The following PCBP3 variants were observed in gnomAD, a reference collection of about 807,000 sequenced individuals.
The protein encoded by PCBP3 is poly(rC)-binding protein 3.
In PCBP3, 25 loss-of-function variants were observed where a neutral mutation model predicts 52.7. That is an observed-to-expected ratio of 0.47 (90% CI 0.35 to 0.66). The LOEUF is 0.66. Among genes scored for constraint, PCBP3 ranks in the 30% least tolerant of loss-of-function variants. The pLI, the probability that PCBP3 is intolerant of heterozygous loss-of-function variation, is 0.01. For missense variants in PCBP3, 391 were observed against 490.3 expected (o/e 0.80, Z 1.91); for synonymous variants, 162 against 183.0 (o/e 0.89, Z 0.93).
chr21:45,911,298 G>T, intron 11 of PCBP3: 1 of 464,292 alleles, frequency 2.2e-6, no homozygotes, highest in South Asian at 2.0e-5. Context: ...CTCATCTTCG[G>T]ATTTGGGTAA....
chr21:45,808,452 T>C (rs2092581550), intron 4 of PCBP3, among the ~76,000 whole-genome samples: 3 of 152,196 alleles, frequency 2.0e-5, no homozygotes, highest in Admixed American at 2.0e-4. Flanking sequence ...TAATCATCAC[T>C]GGTCATTAGA....
At position 45,754,715 on chromosome 21, in the gene PCBP3, G is replaced by A. The variant is rs546517537; in HGVS notation, c.-161-702G>A. On this transcript the variant is annotated intron_variant, in intron 3 of 17. Coordinates refer to ENST00000681687, the MANE Select transcript of PCBP3 (RefSeq NM_001384156.1). ...GCTAATACTAGCTCCTGCTCCTCTGGGTTGAAATTCTGGGTAGAAGATTAT... is the reference window on the plus strand; with the variant it reads ...GCTAATACTAGCTCCTGCTCCTCTGAGTTGAAATTCTGGGTAGAAGATTAT... Among the ~76,000 whole-genome samples, 3 of 152,206 alleles carry A rather than the reference G, an allele frequency of 2.0e-5. No individual in the cohort carries two copies. The East Asian group carries it at 5.8e-4, about 29-fold the overall frequency.
At chr21:45,718,229 G>C (rs572058277) in intron 2 of PCBP3, among the ~76,000 whole-genome samples, 1 of 149,238 alleles carries the variant, frequency 6.7e-6, no homozygotes. Context: ...TGCTAGTCTA[G>C]GTGAAGATTT....
chr21:45,869,828 G>T (rs2094927387), intron 5 of PCBP3, among the ~76,000 whole-genome samples: 1 of 152,236 alleles, frequency 6.6e-6, no homozygotes, highest in South Asian at 2.1e-4. Context: ...TCACAGAGCT[G>T]CGTATGCATT....
At chr21:45,776,974 A>C (rs1274107088) in intron 4 of PCBP3, among the ~76,000 whole-genome samples, 1 of 151,992 alleles carries the variant, frequency 6.6e-6, no homozygotes, top group African/African-American at 2.4e-5. Context: ...CATTTAAGCC[A>C]TTTCTGTTCC....
chr21:45,762,491 CT>C (rs374275789), intron 4 of PCBP3: 75 of 104,694 alleles, frequency 7.2e-4, no homozygotes, highest in Middle Eastern at 7.8e-3. Flanking sequence ...CTTTTCTTCT[CT>C]TTTTTTTTTT....
At chr21:45,681,275 A>G (rs1331998809) in intron 2 of PCBP3, among the ~76,000 whole-genome samples, 1 of 152,196 alleles carries the variant, frequency 6.6e-6, no homozygotes, top group Non-Finnish European at 1.5e-5. Flanking sequence ...TAGATGTTGG[A>G]TTTTGTCAAA....
At position 45,710,509 on chromosome 21, in the gene PCBP3, T is replaced by C. The variant is rs566960898; in HGVS notation, c.-199-24883T>C. Among the ~76,000 whole-genome samples the C allele has an allele frequency of 2.9e-3, 439 of 152,340 alleles. 3 individuals are homozygous for C. The highest frequency in any genetic ancestry group is 0.01 in the Middle Eastern group (3 of 294). On this transcript the variant is annotated intron_variant, in intron 2 of 17. Transcript: ENST00000681687. ...CTCATCATTTTTTATGGCTGCATAGTATTCCATGGTGTATATGTGCCACAT... is the reference window on the plus strand; with the variant it reads ...CTCATCATTTTTTATGGCTGCATAGCATTCCATGGTGTATATGTGCCACAT...
chr21:45,815,240 ATGAGTGAGTGG>A (rs1415517431), intron 4 of PCBP3, among the ~76,000 whole-genome samples: 8 of 64,124 alleles, frequency 1.2e-4, no homozygotes, highest in Non-Finnish European at 1.8e-4. Context: ...GTGGTGAGTG[ATGAGTGAGTGG>A]TGAGTGAGTG....
At chr21:45,872,293 G>A (rs1336554454) in intron 5 of PCBP3, 2 of 152,216 alleles carry the variant, frequency 1.3e-5, no homozygotes, top group African/African-American at 4.8e-5. Context: ...CATGCTAGCG[G>A]TGCAATGCCC....
intron 9 of PCBP3, among the ~76,000 whole-genome samples, chr21:45,908,959 G>T (rs985992229): frequency 6.6e-6 from 1 of 152,050 alleles, no homozygotes; most frequent in Non-Finnish European, 1.5e-5. Flanking sequence ...CGACATCCCT[G>T]CCTTACCTGG....
At chr21:45,718,490 G>A (rs566855428) in intron 2 of PCBP3, among the ~76,000 whole-genome samples, 1 of 151,980 alleles carries the variant, frequency 6.6e-6, no homozygotes, top group African/African-American at 2.4e-5. Context: ...CTCCTGTCCT[G>A]TTCTGCCGCT....
In PCBP3 at chr21:45,741,977, C is replaced by G. The variant is rs920905369; in HGVS notation, c.-162+6548C>G. On this transcript the variant is annotated intron_variant, in intron 3 of 17. Transcript: ENST00000681687. This position sits in a 1 kb window ranked among gnomAD's most constrained non-coding sequence, Gnocchi z 4.5. Reference sequence around the variant, plus strand: ...GGCATTCAGTACACACTTTCGTGCCCTGCTTTTTAACTGAATAGTATTCTG... The same window carrying G: ...GGCATTCAGTACACACTTTCGTGCCGTGCTTTTTAACTGAATAGTATTCTG... 6.6e-6 allele frequency among the ~76,000 whole-genome samples: 1 copy of G among 152,172 alleles called. No homozygotes were observed. The highest frequency in any genetic ancestry group is 1.5e-5 in the Non-Finnish European group (1 of 68,044).
At chr21:45,708,048 TA>T (rs1041421530) in intron 2 of PCBP3, among the ~76,000 whole-genome samples, 1 of 152,180 alleles carries the variant, frequency 6.6e-6, no homozygotes, top group African/African-American at 2.4e-5. Flanking sequence ...CATCACTGAA[TA>T]AAACTATGGG....
At chr21:45,649,287 A>G (rs1031290328) in intron 1 of PCBP3, among the ~76,000 whole-genome samples, 2 of 152,212 alleles carry the variant, frequency 1.3e-5, no homozygotes, top group African/African-American at 2.4e-5. Context: ...ACCTGCCCCC[A>G]TGATTCAATT....
In PCBP3 at chr21:45,827,180, G is replaced by A. The variant is rs1436299806; in HGVS notation, c.-125-22781G>A. Among the ~76,000 whole-genome samples, 1 of 152,170 alleles carries A rather than the reference G, an allele frequency of 6.6e-6. No individual in the cohort carries two copies. The highest frequency in any genetic ancestry group is 1.5e-5 in the Non-Finnish European group (1 of 68,016). ...CCTTCCCATTTGGGCATCAGCTGAGGGACAAGGAGCCCTTCCCATCTGGGC... is the reference window on the plus strand; with the variant it reads ...CCTTCCCATTTGGGCATCAGCTGAGAGACAAGGAGCCCTTCCCATCTGGGC... On this transcript the variant is annotated intron_variant, in intron 4 of 17. Transcript: ENST00000681687. This position sits in a 1 kb window ranked among gnomAD's most constrained non-coding sequence, Gnocchi z 4.3.
At chr21:45,723,848 T>A (rs1023663279) in intron 2 of PCBP3, among the ~76,000 whole-genome samples, 2 of 152,224 alleles carry the variant, frequency 1.3e-5, no homozygotes, top group Non-Finnish European at 2.9e-5. Context: ...GAAGTTCACC[T>A]GCTGACTGCT....
chr21:45,848,924 G>T (rs1161046215), intron 4 of PCBP3, among the ~76,000 whole-genome samples: 1 of 152,158 alleles, frequency 6.6e-6, no homozygotes, highest in Non-Finnish European at 1.5e-5. Flanking sequence ...AAAGCACTTG[G>T]ATTTTCCTGC....
intron 5 of PCBP3, among the ~76,000 whole-genome samples, chr21:45,874,716 G>T (rs775158515): frequency 1.3e-5 from 2 of 152,144 alleles, no homozygotes; most frequent in African/African-American, 2.4e-5. Flanking sequence ...ATGTTGGCCA[G>T]GCTGGTCTCC....
Sources: allele counts gnomAD v4.1 joint callset (sites outside exome capture counted in the v4.1 genomes callset), GRCh38; gene constraint gnomAD v4.1.1; non-coding constraint Gnocchi (gnomAD v3.1); transcripts MANE v1.5; gene names NCBI Gene and HGNC (gene_info 2026-07-23, HGNC 2026-07-21).